The following DCHS2 variants were observed in gnomAD, a reference collection of about 807,000 sequenced individuals.
DCHS2 encodes dachsous cadherin-related 2, also known as protocadherin-23.
Under a neutral mutation model 182.4 loss-of-function variants are expected in DCHS2, and 142 were observed. That is an observed-to-expected ratio of 0.78 (90% confidence interval 0.68 to 0.89). DCHS2 has a LOEUF of 0.89. Among genes scored for constraint, DCHS2 ranks in the 40% least tolerant of loss-of-function variants. The pLI, the probability that DCHS2 is intolerant of heterozygous loss-of-function variation, is 0.00. For missense variants in DCHS2, 4,319 were observed against 4,198.6 expected, an observed-to-expected ratio of 1.03 and a Z score of -0.79; for synonymous variants, 1,740 against 1,663.3, an observed-to-expected ratio of 1.05 and a Z score of -1.12.
chr4:154,315,400 A>ATCT (rs977192323), intron 10 of DCHS2, among the ~76,000 whole-genome samples: 1 of 152,144 alleles, frequency 6.6e-6, no homozygotes. Context: ...AGAACCATTT[A>ATCT]TCTTCTTCTT....
In DCHS2 at chr4:154,489,849, C is replaced by T. The variant is rs866227902; in HGVS notation, c.1507G>A (p.Asp503Asn). ...GCCACCAGTAGTAACTCATACAGAT[C>T]GCGGCTCTCTCTGTCCAGGGGCCCC... ...VEGPLDRESR[D>N]LYELLLVATD... The change falls in exon 1 of 20, where the codon GAT becomes AAT. Residue 503 changes from aspartate to asparagine, a missense_variant. Physicochemically the swap from Asp to Asn is conservative, Grantham distance 23. Transcript: ENST00000357232. 134 of 1,548,654 alleles carry T rather than the reference C, an allele frequency of 8.7e-5. No homozygotes were observed. The highest frequency in any genetic ancestry group is 1.1e-4 in the Non-Finnish European group (126 of 1,144,964).
intron 15 of DCHS2, 129 bp from the exon 16 acceptor site, chr4:154,255,799 A>AAAT (rs1274976272): frequency 3.1e-5 from 42 of 1,344,760 alleles, no homozygotes; most frequent in Non-Finnish European, 3.8e-5. Context: ...CGATGAAATG[A>AAAT]AATACCAACA....
At chr4:154,369,483 C>A (rs1730539793) in intron 2 of DCHS2, among the ~76,000 whole-genome samples, 2 of 152,200 alleles carry the variant, frequency 1.3e-5, no homozygotes, top group Non-Finnish European at 2.9e-5. Flanking sequence ...GTGTGCACTT[C>A]CCAATGCTGT....
rs1305444113 is a variant in DCHS2 at position 154,397,509 on chromosome 4, C to T, written c.2053-20065G>A. ...AATAAAAAAGTTCACTTATACTTCT[C>T]ATGCTTCTTACCAAATACTACTTGC... On this transcript the variant is annotated intron_variant, in intron 1 of 19. Transcript: ENST00000357232. 2.0e-5 allele frequency among the ~76,000 whole-genome samples: 3 copies of T among 152,310 alleles called. No homozygotes were observed. In the East Asian group the frequency reaches 5.8e-4, roughly 29 times the overall value.
chr4:154,335,298 T>A, intron 3 of DCHS2, 194 bp from the exon 4 acceptor site: 1 of 572,226 alleles, frequency 1.7e-6, no homozygotes, highest in Non-Finnish European at 3.1e-6. Context: ...ACATTAACAT[T>A]TAAATCTGTA....
intron 15 of DCHS2, among the ~76,000 whole-genome samples, chr4:154,255,921 T>C (rs1249314506): frequency 1.3e-5 from 2 of 152,182 alleles, no homozygotes; most frequent in Admixed American, 6.5e-5. Context: ...TTTTGAGGTA[T>C]AATTTTGTGC....
chr4:154,333,359 A>G lies in DCHS2; in HGVS notation c.2849T>C (p.Val950Ala), dbSNP rs1430606378. The G allele has an allele frequency of 1.2e-5, 19 of 1,614,058 alleles. No homozygotes were observed. The highest frequency in any genetic ancestry group is 1.5e-5 in the Non-Finnish European group (18 of 1,180,040). Residue 950 changes from valine to alanine, a missense_variant, in exon 5 of 20, where the codon GTG becomes GCG. Transcript: ENST00000357232. ...TGGGGCGCTGCCGAGCTGCGCCTGC[A>G]CCGTGAGCACAACCACGGGCTGCGT... ...HETQPVVVLT[V>A]QAQLGSAPAC...
At chr4:154,321,833 T>C (rs1380707602) in intron 8 of DCHS2, among the ~76,000 whole-genome samples, 1 of 152,178 alleles carries the variant, frequency 6.6e-6, no homozygotes, top group Non-Finnish European at 1.5e-5. Context: ...GAGTGGTTGG[T>C]GTAATTTTTT....
intron 3 of DCHS2, among the ~76,000 whole-genome samples, chr4:154,339,804 AC>A (rs1476706527): frequency 6.6e-6 from 1 of 152,100 alleles, no homozygotes; most frequent in Admixed American, 6.6e-5. Context: ...ATTCATGAAA[AC>A]CTGCTGAGAA....
At chr4:154,284,892 TG>T (rs1267403653) in intron 13 of DCHS2, among the ~76,000 whole-genome samples, 1 of 152,094 alleles carries the variant, frequency 6.6e-6, no homozygotes, top group African/African-American at 2.4e-5. Context: ...AGACACCAAC[TG>T]GGGTGGCCAA....
At position 154,234,511 on chromosome 4, in the gene DCHS2, G is replaced by T; in HGVS notation, c.*25C>A. The T allele has an allele frequency of 6.3e-7, 1 of 1,575,076 alleles. No homozygotes were observed. On this transcript the variant is annotated 3_prime_UTR_variant, in exon 20 of 20. Transcript: ENST00000357232. ...TTCATTCATTCATGACCAATGGTGAGCAGGTACTTGGCATCCCAGTGGTTT... is the reference window on the plus strand; with the variant it reads ...TTCATTCATTCATGACCAATGGTGATCAGGTACTTGGCATCCCAGTGGTTT...
intron 13 of DCHS2, among the ~76,000 whole-genome samples, chr4:154,290,375 ACC>A (rs1734598943): frequency 6.6e-6 from 1 of 152,114 alleles, no homozygotes; most frequent in Non-Finnish European, 1.5e-5. Flanking sequence ...ATCAAAAGCA[ACC>A]TAAAGATTCA....
chr4:154,269,318 G>C (rs568298490), intron 14 of DCHS2: 242 of 152,562 alleles, frequency 1.6e-3, no homozygotes, highest in Non-Finnish European at 3.2e-3. Flanking sequence ...CAACAAAGCA[G>C]TAGATGTGTA....
intron 14 of DCHS2, among the ~76,000 whole-genome samples, chr4:154,265,039 C>T (rs12643125): frequency 0.48 from 73,020 of 151,746 alleles, 18,907 homozygotes; most frequent in Non-Finnish European, 0.58. Context: ...GGCTAGCCAC[C>T]GAAATAAGAA....
chr4:154,245,850 T>C (rs982560694), intron 16 of DCHS2, among the ~76,000 whole-genome samples: 2 of 152,092 alleles, frequency 1.3e-5, no homozygotes, highest in African/African-American at 2.4e-5. Flanking sequence ...TAAAATCCAC[T>C]CAGAATGTAC....
chr4:154,423,926 A>T (rs1018943288), intron 1 of DCHS2, among the ~76,000 whole-genome samples: 1 of 152,178 alleles, frequency 6.6e-6, no homozygotes, highest in Non-Finnish European at 1.5e-5. Context: ...TGGTCCAGGG[A>T]CCAAACTTTC....
At position 154,344,713 on chromosome 4, in the gene DCHS2, G is replaced by A. The variant is rs143374871; in HGVS notation, c.2477-9609C>T. On this transcript the variant is annotated intron_variant, in intron 3 of 19. Coordinates refer to ENST00000357232, the MANE Select transcript of DCHS2 (RefSeq NM_001358235.2). ...AAAGAGGAGGAGGGTGAGCCATGGT[G>A]TGTCTTGGAGCCCTGAGGCGGTGCC... Among the ~76,000 whole-genome samples the A allele has an allele frequency of 2.3e-3, 352 of 152,328 alleles. 3 individuals carry two copies. The highest frequency in any genetic ancestry group is 2.9e-3 in the Non-Finnish European group (194 of 68,026).
intron 1 of DCHS2, among the ~76,000 whole-genome samples, chr4:154,487,290 C>G (rs1728621896): frequency 6.6e-6 from 1 of 152,178 alleles, no homozygotes; most frequent in African/African-American, 2.4e-5. Flanking sequence ...CATTTCTCAG[C>G]CTCCTTTGCA....
At chr4:154,369,536 T>G (rs972525552) in intron 2 of DCHS2, among the ~76,000 whole-genome samples, 2 of 152,224 alleles carry the variant, frequency 1.3e-5, no homozygotes, top group African/African-American at 4.8e-5. Context: ...GTTTCGATAA[T>G]GCAACCTCAT....
Sources: gnomAD v4.1 joint callset for allele counts (sites outside exome capture counted in the v4.1 genomes callset) on GRCh38, gnomAD v4.1.1 for gene constraint, MANE v1.5 for transcripts, NCBI Gene and HGNC (gene_info 2026-07-23, HGNC 2026-07-21) for gene names.